The following ZNF407 variants were observed in gnomAD, a reference collection of about 807,000 sequenced individuals.
The protein encoded by ZNF407 is zinc finger protein 407.
A neutral mutation model predicts 131.2 loss-of-function variants in ZNF407; 17 were observed. The ratio of observed to expected loss-of-function variants is 0.13; its 90% CI spans 0.09 to 0.19. The LOEUF (loss-of-function observed/expected upper bound fraction) is 0.19, where lower values mean the gene tolerates loss of function less well. Ranked by LOEUF, ZNF407 falls within the 10% of genes least tolerant of loss-of-function variation. The probability of loss-of-function intolerance (pLI) is 1.00; values close to 1 mark genes in which losing one functional copy is unlikely to be tolerated. For missense variants in ZNF407, 2,681 were observed against 2,830.6 expected (o/e 0.95, Z 1.20); for synonymous variants, 1,156 against 1,062.0 (o/e 1.09, Z -1.72).
chr18:74,803,912 G>A (rs1260900802), intron 4 of ZNF407: 4 of 1,536,780 alleles, frequency 2.6e-6, no homozygotes, highest in Non-Finnish European at 2.6e-6. Context: ...GCTTTACAAC[G>A]TGCCTTGAAA....
intron 3 of ZNF407, among the ~76,000 whole-genome samples, chr18:74,660,813 C>G (rs564213110): frequency 6.6e-6 from 1 of 152,122 alleles, no homozygotes; most frequent in South Asian, 2.1e-4. Flanking sequence ...CTTTCTTTAC[C>G]TATTTTAATT....
At chr18:74,704,857 A>G (rs1314760116) in intron 3 of ZNF407, among the ~76,000 whole-genome samples, 2 of 152,210 alleles carry the variant, frequency 1.3e-5, no homozygotes, top group Non-Finnish European at 2.9e-5. Flanking sequence ...CACCCATACT[A>G]TCATGTATTG....
intron 3 of ZNF407, among the ~76,000 whole-genome samples, chr18:74,728,736 A>G (rs1968219658): frequency 6.6e-6 from 1 of 152,120 alleles, no homozygotes; most frequent in African/African-American, 2.4e-5. Context: ...TTGGCAGTGA[A>G]TGCAGTTACC....
intron 1 of ZNF407, among the ~76,000 whole-genome samples, chr18:74,599,256 G>A (rs8099545): frequency 0.86 from 130,342 of 152,030 alleles, 56,047 homozygotes; most frequent in East Asian, 1. Context: ...TTCTTCTTGC[G>A]TGACATGTAA....
intron 6 of ZNF407, among the ~76,000 whole-genome samples, chr18:74,885,124 A>G (rs1463413242): frequency 6.6e-6 from 1 of 152,162 alleles, no homozygotes; most frequent in Non-Finnish European, 1.5e-5. Context: ...AAAGTATAAG[A>G]TTTATACTAC....
intron 4 of ZNF407, among the ~76,000 whole-genome samples, chr18:74,787,272 G>C (rs1181309822): frequency 1.3e-5 from 2 of 152,142 alleles, no homozygotes. Flanking sequence ...AGGCACATGT[G>C]GAGATAGGAG....
At chr18:74,772,341 A>G (rs908410222) in intron 3 of ZNF407, among the ~76,000 whole-genome samples, 2 of 152,176 alleles carry the variant, frequency 1.3e-5, no homozygotes, top group African/African-American at 2.4e-5. Flanking sequence ...CCTATAAATC[A>G]TCTAAATCTA....
intron 8 of ZNF407, among the ~76,000 whole-genome samples, chr18:74,923,952 C>T (rs1229398742): frequency 6.6e-6 from 1 of 152,034 alleles, no homozygotes; most frequent in Non-Finnish European, 1.5e-5. Flanking sequence ...CTCCAAACTA[C>T]CCTAATGTCC....
At chr18:74,775,246 T>C (rs1969444821) in intron 3 of ZNF407, among the ~76,000 whole-genome samples, 2 of 152,210 alleles carry the variant, frequency 1.3e-5, no homozygotes, top group Non-Finnish European at 2.9e-5. Context: ...TTTTGTCCCA[T>C]GTCAGTATTA....
intron 3 of ZNF407, among the ~76,000 whole-genome samples, chr18:74,704,048 C>T (rs1401174680): frequency 6.6e-6 from 1 of 152,088 alleles, no homozygotes; most frequent in African/African-American, 2.4e-5. Flanking sequence ...TCTCATCTTA[C>T]ATGTAAGGGA....
intron 8 of ZNF407, among the ~76,000 whole-genome samples, chr18:74,958,508 C>A (rs921079274): frequency 6.6e-6 from 1 of 151,856 alleles, no homozygotes. Context: ...ATGAGGAGCC[C>A]GCCGTGCACA....
At chr18:74,926,994 A>G (rs35721047) in intron 8 of ZNF407, among the ~76,000 whole-genome samples, 530 of 152,210 alleles carry the variant, frequency 3.5e-3, no homozygotes, top group African/African-American at 0.012. Flanking sequence ...GAGTGACCCA[A>G]ATGGTTGTTA....
chr18:74,817,082 C>G (rs1293674425), intron 4 of ZNF407, among the ~76,000 whole-genome samples: 1 of 152,174 alleles, frequency 6.6e-6, no homozygotes, highest in Non-Finnish European at 1.5e-5. Flanking sequence ...AATGCAGACT[C>G]TAAGAGTTTC....
intron 8 of ZNF407, among the ~76,000 whole-genome samples, chr18:74,966,608 G>C (rs1031051817): frequency 6.6e-6 from 1 of 152,100 alleles, no homozygotes; most frequent in Admixed American, 6.5e-5. Flanking sequence ...GATTCCTCCA[G>C]TTTTGTTATT....
intron 3 of ZNF407, among the ~76,000 whole-genome samples, chr18:74,758,612 A>T (rs1440745988): frequency 2.6e-5 from 4 of 152,168 alleles, no homozygotes; most frequent in South Asian, 2.1e-4. Context: ...TATTTTTGAG[A>T]TGGAGTCTTA....
intron 8 of ZNF407, among the ~76,000 whole-genome samples, chr18:74,998,314 T>C (rs1338991265): frequency 6.6e-6 from 1 of 152,180 alleles, no homozygotes; most frequent in Non-Finnish European, 1.5e-5. Flanking sequence ...TAAATGAATG[T>C]CTTCTTTGCC....
At chr18:74,781,288 C>A in intron 3 of ZNF407, 140 bp from the exon 4 acceptor site, 1 of 573,146 alleles carries the variant, frequency 1.7e-6, no homozygotes, top group Non-Finnish European at 3.0e-6. Context: ...TGTATGCAAG[C>A]TTTGGTGTAG....
chr18:74,883,099 T>C (rs1181614610), intron 6 of ZNF407, among the ~76,000 whole-genome samples: 1 of 152,214 alleles, frequency 6.6e-6, no homozygotes, highest in Non-Finnish European at 1.5e-5. Context: ...ATATTTTATG[T>C]CAGGTCCAGA....
intron 3 of ZNF407, among the ~76,000 whole-genome samples, chr18:74,702,043 A>G (rs1967509166): frequency 6.6e-6 from 1 of 152,188 alleles, no homozygotes; most frequent in Non-Finnish European, 1.5e-5. Flanking sequence ...GAAAATATCT[A>G]TAACGGAGAC....
Sources: allele counts gnomAD v4.1 joint callset (sites outside exome capture counted in the v4.1 genomes callset), GRCh38; gene constraint gnomAD v4.1.1; transcripts MANE v1.5; gene names NCBI Gene and HGNC (gene_info 2026-07-23, HGNC 2026-07-21).